Variants in KMT2C observed in about 807,000 individuals in gnomAD.
KMT2C encodes lysine methyltransferase 2C, also known as histone-lysine N-methyltransferase 2C.
Under a neutral mutation model 507.9 loss-of-function variants are expected in KMT2C, and 88 were observed. That is an observed-to-expected ratio of 0.17 (90% CI 0.15 to 0.21). The LOEUF is 0.21. KMT2C is among the 10% of genes least tolerant of loss of function. The pLI, the probability that KMT2C is intolerant of heterozygous loss-of-function variation, is 1.00. For missense variants in KMT2C, 4,954 were observed against 5,957.8 expected (o/e 0.83, Z 5.55); for synonymous variants, 2,049 against 2,080.8 (o/e 0.98, Z 0.42).
Position 152,180,658 on chromosome 7 carries a change from G to T in KMT2C, c.7149+53C>A, listed in dbSNP as rs571139351. On this transcript the variant is annotated intron_variant, in intron 36 of 58. Transcript: ENST00000262189. ...TAGAAATTACTCAGTTTGATGAAAT[G>T]AACAGCTTCCTCAAATAATACATTT... The T allele has an allele frequency of 4.3e-5, 57 of 1,333,614 alleles. No homozygotes were observed. In the African/African-American group the frequency reaches 5.8e-4, roughly 14 times the overall value. 82.6% of individuals were successfully genotyped at this position (1,333,614 alleles called of 1,614,324 possible). A position where few individuals can be genotyped will look rare whatever the true frequency, so the allele number is the denominator to read the frequency against.
intron 43 of KMT2C, among the ~76,000 whole-genome samples, chr7:152,161,363 A>AG (rs1226483582): frequency 6.6e-6 from 1 of 152,212 alleles, no homozygotes; most frequent in African/African-American, 2.4e-5. Context: ...ATCCAATTTG[A>AG]GAAGCTCTCT....
intron 1 of KMT2C, among the ~76,000 whole-genome samples, chr7:152,378,197 T>C (rs1589578963): frequency 6.6e-6 from 1 of 152,160 alleles, no homozygotes; most frequent in South Asian, 2.1e-4. Context: ...GACTCCAATT[T>C]TGAAAAAAGT....
At chr7:152,348,590 ACT>A (rs1403416454) in intron 2 of KMT2C, among the ~76,000 whole-genome samples, 1 of 137,464 alleles carries the variant, frequency 7.3e-6, no homozygotes, top group Non-Finnish European at 1.5e-5. Flanking sequence ...CAAAAGCAAA[ACT>A]CTGTCTTAAA....
At chr7:152,146,072 C>T (rs1027001236) in intron 53 of KMT2C, among the ~76,000 whole-genome samples, 12 of 152,242 alleles carry the variant, frequency 7.9e-5, no homozygotes, top group Admixed American at 7.2e-4. Flanking sequence ...TTTTCTAAAA[C>T]TATTGTGTAG....
chr7:152,307,278 AAAGGAAGGAAGGAAGG>A (rs35363127), intron 6 of KMT2C, among the ~76,000 whole-genome samples: 2 of 107,390 alleles, frequency 1.9e-5, no homozygotes, highest in Non-Finnish European at 3.7e-5. Flanking sequence ...AGGAAGAAAG[AAAGGAAGGAAGGAAGG>A]AAGGAAGGAA....
Position 152,255,109 on chromosome 7 carries a change from T to TATATATATATATATATATA in KMT2C, c.1300-2395_1300-2394insTATATATATATATATATAT, listed in dbSNP as rs1588626891. ...AATCAAGATGTCAATCAACTCTCAC[T>TATATATATATATATATATA]TATATATATATATATATATATATAT... On this transcript the variant is annotated intron_variant, in intron 9 of 58. Coordinates refer to ENST00000262189, the MANE Select transcript of KMT2C (RefSeq NM_170606.3). Among the ~76,000 whole-genome samples the TATATATATATATATATATA allele has an allele frequency of 7.4e-4, 58 of 78,348 alleles. 1 individual carries two copies. Among genetic ancestry groups the TATATATATATATATATATA allele is most frequent in the Non-Finnish European group, 8.9e-4 (33 of 37,258 alleles). The allele number at this position is 78,348 out of a possible 152,430, so 51.4% of individuals were successfully genotyped here.
chr7:152,139,736 T>C lies in KMT2C; in HGVS notation c.14399A>G (p.Tyr4800Cys), dbSNP rs753984844. 1 of 1,614,142 alleles carries C rather than the reference T, an allele frequency of 6.2e-7. No individual in the cohort carries two copies. Among genetic ancestry groups the C allele is most frequent in the Non-Finnish European group, 8.5e-7 (1 of 1,180,014 alleles). Residue 4800 changes from tyrosine to cysteine, a missense_variant, in exon 56 of 59, where the codon TAC becomes TGC. By Grantham distance (194) the Tyr-to-Cys change is radical. Around this residue, in one of 29 missense-constraint regions of KMT2C, gnomAD observed 133 missense variants for 258.9 expected, o/e 0.51. Coordinates refer to ENST00000262189, the MANE Select transcript of KMT2C (RefSeq NM_170606.3). The stretch of plus-strand genomic sequence containing the variant: ...TTCGTTTCGAATGATAGTCCCGATG[T>C]ACTCAATGACCATGGTGTGTTTCTC... ...DIEKHTMVIE[Y>C]IGTIIRNEVA...
At chr7:152,262,903 G>T in intron 9 of KMT2C, 113 bp downstream of exon 9, 1 of 707,354 alleles carries the variant, frequency 1.4e-6, no homozygotes, top group Non-Finnish European at 2.4e-6. Context: ...CAATAAAGCT[G>T]TTTTTAAAAA....
At chr7:152,366,990 C>T (rs1769325171) in intron 1 of KMT2C, 2 of 560,800 alleles carry the variant, frequency 3.6e-6, no homozygotes, top group South Asian at 2.1e-5. Context: ...GTTGCAGCCC[C>T]GGCCGCACCC....
At chr7:152,158,626 G>A (rs536818506) in intron 44 of KMT2C, among the ~76,000 whole-genome samples, 2 of 151,160 alleles carry the variant, frequency 1.3e-5, no homozygotes, top group Non-Finnish European at 1.5e-5. Flanking sequence ...AGCAATTCTC[G>A]TGCCTCAGCC....
At position 152,146,518 on chromosome 7, in the gene KMT2C, C is replaced by G. The variant is rs2091115307; in HGVS notation, c.14031+81G>C. The G allele has an allele frequency of 2.1e-6, 3 of 1,399,626 alleles. No homozygotes were observed. The Admixed American group carries it at 5.3e-5, about 25-fold the overall frequency. The allele number at this position is 1,399,626 out of a possible 1,614,324, so 86.7% of individuals were successfully genotyped here. Reference sequence around the variant, plus strand: ...CTCAGTCACTTTCTGAAGAGTGCCACAAATGTTACAGCATGTGTTCAAGTG... The same window carrying G: ...CTCAGTCACTTTCTGAAGAGTGCCAGAAATGTTACAGCATGTGTTCAAGTG... On this transcript the variant is annotated intron_variant, in intron 53 of 58. Transcript: ENST00000262189.
At chr7:152,153,939 G>T in intron 48 of KMT2C, 71 bp downstream of exon 48, 1 of 1,453,538 alleles carries the variant, frequency 6.9e-7, no homozygotes, top group Admixed American at 1.7e-5. Flanking sequence ...GTGTTTTATG[G>T]TAGACACCTG....
At chr7:152,141,132 A>G (rs1183137408) in intron 55 of KMT2C, among the ~76,000 whole-genome samples, 1 of 152,070 alleles carries the variant, frequency 6.6e-6, no homozygotes, top group African/African-American at 2.4e-5. Context: ...TCCAGCTACT[A>G]GGGAGGCTGA....
chr7:152,290,315 T>G, intron 6 of KMT2C, among the ~76,000 whole-genome samples: 1 of 106,206 alleles, frequency 9.4e-6, no homozygotes, highest in African/African-American at 3.8e-5. Context: ...TTTTTTTTTT[T>G]TTTTTTTTTG....
chr7:152,202,857 A>C (rs1446316980), intron 26 of KMT2C, 77 bp downstream of exon 26: 1 of 1,183,928 alleles, frequency 8.4e-7, no homozygotes, highest in African/African-American at 1.6e-5. Context: ...AAAACAACAA[A>C]CCTATGTTTT....
intron 25 of KMT2C, among the ~76,000 whole-genome samples, chr7:152,204,582 G>A (rs1440482863): frequency 1.3e-5 from 2 of 148,218 alleles, no homozygotes; most frequent in African/African-American, 5.0e-5. Flanking sequence ...GGGTGACATA[G>A]TGAGACCCCT....
chr7:152,372,797 G>A (rs1326169194), intron 1 of KMT2C, among the ~76,000 whole-genome samples: 1 of 152,106 alleles, frequency 6.6e-6, no homozygotes, highest in African/African-American at 2.4e-5. Context: ...TTCGACAACG[G>A]ATAAATAATC....
chr7:152,252,779 G>A lies in KMT2C; in HGVS notation c.1300-64C>T, dbSNP rs188214458. 1.7e-4 allele frequency: 197 copies of A among 1,193,490 alleles called. 1 individual carries two copies. In the African/African-American group the frequency reaches 2.6e-3, roughly 16 times the overall value. 73.9% of individuals were successfully genotyped at this position (1,193,490 alleles called of 1,614,324 possible). A position where few individuals can be genotyped will look rare whatever the true frequency, so the allele number is the denominator to read the frequency against. On this transcript the variant is annotated intron_variant, in intron 9 of 58. Transcript: ENST00000262189. Reference sequence around the variant, plus strand: ...ATGCATTTGTAATTGTAGTTCTGATGTAAACCTTTAAAAAGTCATGAATCA... The same window carrying A: ...ATGCATTTGTAATTGTAGTTCTGATATAAACCTTTAAAAAGTCATGAATCA...
At chr7:152,341,113 T>G (rs546833609) in intron 2 of KMT2C, among the ~76,000 whole-genome samples, 113 of 152,334 alleles carry the variant, frequency 7.4e-4, no homozygotes, top group Non-Finnish European at 1.3e-3. Context: ...AATTTAACTT[T>G]ATTTAGGCCT....
Sources: allele counts gnomAD v4.1 joint callset (sites outside exome capture counted in the v4.1 genomes callset), GRCh38; gene constraint gnomAD v4.1.1; regional missense constraint gnomAD v4.1.1; transcripts MANE v1.5; gene names NCBI Gene and HGNC (gene_info 2026-07-23, HGNC 2026-07-21).